TRAPPC2L: variants seen among roughly 807,000 people sequenced by gnomAD.
TRAPPC2L encodes the protein trafficking protein particle complex subunit 2L.
Under a neutral mutation model 13.2 loss-of-function variants are expected in TRAPPC2L, and 17 were observed. The observed-to-expected ratio is 1.29, with a 90% CI of 0.88 to 1.93. The LOEUF (loss-of-function observed/expected upper bound fraction) is 1.93. TRAPPC2L is among the 30% of genes most tolerant of loss of function. TRAPPC2L has a pLI of 0.00. For synonymous variants in TRAPPC2L, 150 were observed against 98.1 expected, an observed-to-expected ratio of 1.53 and a Z score of -3.12; for missense variants, 359 against 252.1, an observed-to-expected ratio of 1.42 and a Z score of -2.87.
chr16:88,859,302 A>C, intron 2 of TRAPPC2L: 1 of 621,844 alleles, frequency 1.6e-6, no homozygotes, highest in Non-Finnish European at 3.0e-6. Context: ...TGTGGCCTCT[A>C]GAGAGGGGAT....
upstream of TRAPPC2L, chr16:88,856,580 T>TG (rs1390574172): frequency 4.7e-6 from 2 of 425,814 alleles, no homozygotes; most frequent in Non-Finnish European, 4.3e-6. Context: ...CGCACGGGGA[T>TG]ACCCCCCGTC....
intron 3 of TRAPPC2L, 30 bp from the exon 4 acceptor site, chr16:88,859,863 C>T: frequency 6.3e-7 from 1 of 1,578,986 alleles, no homozygotes; most frequent in Non-Finnish European, 8.6e-7. Flanking sequence ...GTGTATGTGG[C>T]AAGGTCATGG....
upstream of TRAPPC2L, chr16:88,856,415 G>C (rs1361083534): frequency 1.4e-6 from 1 of 701,158 alleles, no homozygotes; most frequent in Non-Finnish European, 2.6e-6. Flanking sequence ...AGGTCAGACG[G>C]GGGAGGCAGG....
chr16:88,860,961 T>C (rs1195554960), exon 4 of TRAPPC2L: 21 of 1,585,968 alleles, frequency 1.3e-5, no homozygotes, highest in Non-Finnish European at 1.8e-5. Flanking sequence ...GTGTGCTGAG[T>C]GAGCTGTGCT....
chr16:88,861,484 C>G, exon 4 of TRAPPC2L: 2 of 359,364 alleles, frequency 5.6e-6, no homozygotes, highest in Non-Finnish European at 1.1e-5. Context: ...TTCCGCCCGG[C>G]CTTAAAAGGA....
chr16:88,856,264 C>CG (rs1967866809), upstream of TRAPPC2L: 2 of 703,004 alleles, frequency 2.8e-6, no homozygotes, highest in South Asian at 3.0e-5. Flanking sequence ...TGGAGCCCAG[C>CG]GGGGGGACCC....
At chr16:88,857,119 G>T, upstream of TRAPPC2L, 1 of 1,538,708 alleles carries the variant, frequency 6.5e-7, no homozygotes. Context: ...GGCGGGTCAC[G>T]TGACGCGGTG....
At chr16:88,857,166 G>T in exon 1 of TRAPPC2L, 1 of 1,582,436 alleles carries the variant, frequency 6.3e-7, no homozygotes, top group Non-Finnish European at 8.5e-7. Flanking sequence ...GGTGTGCATC[G>T]CGGTGATTGC....
At chr16:88,858,216 C>T (rs1734905350) in intron 1 of TRAPPC2L, among the ~76,000 whole-genome samples, 1 of 152,126 alleles carries the variant, frequency 6.6e-6, no homozygotes, top group South Asian at 2.1e-4. Context: ...AAAAGGGTCA[C>T]TGTCAAGGTG....
exon 4 of TRAPPC2L, chr16:88,862,426 G>C (rs146729519): frequency 6.6e-6 from 1 of 152,522 alleles, no homozygotes; most frequent in Non-Finnish European, 1.5e-5. Flanking sequence ...GCCACATGCA[G>C]GACCCTTCCC....
upstream of TRAPPC2L, chr16:88,856,810 CCCA>C (rs1215205409): frequency 6.5e-7 from 1 of 1,538,490 alleles, no homozygotes. Flanking sequence ...GCCCGAGGCC[CCCA>C]TCCCCGCGGC....
chr16:88,860,926 C>G (rs373102782), exon 4 of TRAPPC2L: 3 of 1,594,842 alleles, frequency 1.9e-6, no homozygotes, highest in African/African-American at 1.3e-5. Flanking sequence ...CCTTTGATAA[C>G]ATGGTGACGT....
intron 2 of TRAPPC2L, 111 bp from the exon 3 acceptor site, chr16:88,859,552 G>T (rs3784874): frequency 9.7e-7 from 1 of 1,035,166 alleles, no homozygotes; most frequent in Admixed American, 1.7e-5. Context: ...AGCCCAGCAT[G>T]GGCATTTCCT....
At chr16:88,860,950 G>GGTGAC in exon 4 of TRAPPC2L, 1 of 1,591,172 alleles carries the variant, frequency 6.3e-7, no homozygotes, top group Non-Finnish European at 8.5e-7. Flanking sequence ...TGATGATACA[G>GGTGAC]GTGTGCTGAG....
Position 88,859,717 on chromosome 16 carries a change from C to T in TRAPPC2L, c.261C>T (p.Ser87=), listed in dbSNP as rs749504692. 4.3e-6 allele frequency: 7 copies of T among 1,614,064 alleles called. No homozygotes were observed. In the South Asian group the frequency reaches 7.7e-5, roughly 18 times the overall value. Reference sequence around the variant, plus strand: ...AGTTTGTCATGGTGGTAGATTCCTCCAACACAGCCCTTCGAGACAACGAAA... The same window carrying T: ...AGTTTGTCATGGTGGTAGATTCCTCTAACACAGCCCTTCGAGACAACGAAA... Residue 87 remains serine (S), a synonymous_variant, in exon 3 of 4, where the codon TCC becomes TCT. Transcript: ENST00000565504.
intron 2 of TRAPPC2L, chr16:88,859,063 T>G (rs1286933831): frequency 2.4e-5 from 12 of 507,548 alleles, no homozygotes; most frequent in Non-Finnish European, 4.3e-5. Flanking sequence ...CACTTCTGCT[T>G]TGTACCTGCA....
chr16:88,860,456 G>A, exon 4 of TRAPPC2L: 3 of 603,228 alleles, frequency 5.0e-6, no homozygotes, highest in Non-Finnish European at 8.8e-6. Flanking sequence ...TTCCAGACTT[G>A]CTTTCAGTGA....
chr16:88,859,731 G>A, exon 3 of TRAPPC2L: 3 of 1,613,890 alleles, frequency 1.9e-6, no homozygotes, highest in Non-Finnish European at 1.7e-6. Flanking sequence ...ACAGCCCTTC[G>A]AGACAACGAA....
chr16:88,858,776 C>T (rs766487032), exon 2 of TRAPPC2L: 11 of 1,613,158 alleles, frequency 6.8e-6, no homozygotes, highest in East Asian at 2.2e-5. Flanking sequence ...CTCTACCCCA[C>T]GGAGGACTAC....
Sources: gnomAD v4.1 joint callset for allele counts (sites outside exome capture counted in the v4.1 genomes callset) on GRCh38, gnomAD v4.1.1 for gene constraint, MANE v1.5 for transcripts, NCBI Gene and HGNC (gene_info 2026-07-23, HGNC 2026-07-21) for gene names.